CTNND2: variants seen among roughly 807,000 people sequenced by gnomAD.
CTNND2 encodes the protein catenin delta 2, also known as catenin delta-2.
Under a neutral mutation model 144.4 loss-of-function variants are expected in CTNND2, and 22 were observed. That is an observed-to-expected ratio of 0.15 (90% CI 0.11 to 0.22). The LOEUF (loss-of-function observed/expected upper bound fraction) is 0.22, where lower values mean the gene tolerates loss of function less well. Among genes scored for constraint, CTNND2 ranks in the 10% least tolerant of loss-of-function variants. CTNND2 has a pLI of 1.00. For synonymous variants in CTNND2, 751 were observed against 695.6 expected, an observed-to-expected ratio of 1.08 and a Z score of -1.25; for missense variants, 1,353 against 1,618.8, an observed-to-expected ratio of 0.84 and a Z score of 2.82.
In CTNND2 at chr5:11,117,561, A is replaced by C. The variant is rs763854860; in HGVS notation, c.2166T>G (p.Val722=). ...TGCGGGCCTCCTCTCCGGCCGAACTAACATTCCTGCAAAGCAAAAGGACAC... is the reference window on the plus strand; with the variant it reads ...TGCGGGCCTCCTCTCCGGCCGAACTCACATTCCTGCAAAGCAAAAGGACAC... ...LRNATGCLRN[V]SSAGEEARRR... is the part of the protein sequence containing the mutation. The change falls in exon 13 of 22, where the codon GTT becomes GTG. Residue 722 remains valine, a synonymous_variant. Transcript: ENST00000304623. 1.2e-6 allele frequency: 2 copies of C among 1,613,808 alleles called. No homozygotes were observed. The highest frequency in any genetic ancestry group is 1.7e-6 in the Non-Finnish European group (2 of 1,179,702).
intron 3 of CTNND2, among the ~76,000 whole-genome samples, chr5:11,555,398 G>C (rs1423002136): frequency 6.6e-6 from 1 of 152,088 alleles, no homozygotes; most frequent in Non-Finnish European, 1.5e-5. Context: ...AGTGGCCTTG[G>C]ACTCTTGGCT....
intron 1 of CTNND2, among the ~76,000 whole-genome samples, chr5:11,790,478 G>T (rs566646078): frequency 7.9e-5 from 12 of 152,240 alleles, no homozygotes; most frequent in Non-Finnish European, 1.8e-4. Context: ...CTCTTCCTTT[G>T]TAAAATGAAC....
chr5:11,385,371 G>A (rs963229788), intron 6 of CTNND2, 142 bp from the exon 7 acceptor site: 56 of 415,420 alleles, frequency 1.3e-4, no homozygotes, highest in Non-Finnish European at 1.8e-4. Flanking sequence ...CTGCGCTCGG[G>A]GCAGTACGCG....
At chr5:11,687,306 C>G (rs936874889) in intron 2 of CTNND2, among the ~76,000 whole-genome samples, 1 of 152,240 alleles carries the variant, frequency 6.6e-6, no homozygotes, top group Non-Finnish European at 1.5e-5. Context: ...AACAAGGGGC[C>G]GTGATCATTG....
At chr5:11,470,980 A>ATATATATATATATATATATT (rs1219093645) in intron 3 of CTNND2, among the ~76,000 whole-genome samples, 37 of 91,520 alleles carry the variant, frequency 4.0e-4, no homozygotes, top group Non-Finnish European at 5.5e-4. Context: ...ATATATATAT[A>ATATATATATATATATATATT]TTTTTTTTTT....
intron 2 of CTNND2, among the ~76,000 whole-genome samples, chr5:11,591,986 C>A (rs530070983): frequency 6.6e-6 from 1 of 151,976 alleles, no homozygotes; most frequent in Non-Finnish European, 1.5e-5. Context: ...TACCCACCCC[C>A]CAACCCCTGA....
rs4235613 is a variant in CTNND2, at chr5:11,780,119, A to C, written c.38-47847T>G. On this transcript the variant is annotated intron_variant, in intron 1 of 21. Coordinates refer to ENST00000304623, the MANE Select transcript of CTNND2 (RefSeq NM_001332.4). ...GAGCTGAGACCTGAGTATCTACTGC[A>C]GACAGTAGTACATTGAAGGCAGGGC... Among the ~76,000 whole-genome samples, 696 of 152,208 alleles carry C rather than the reference A, an allele frequency of 4.6e-3. 10 individuals carry two copies. The highest frequency in any genetic ancestry group is 0.014 in the African/African-American group (595 of 41,506).
At chr5:11,411,758 T>G in intron 4 of CTNND2, 106 bp from the exon 5 acceptor site, 1 of 793,246 alleles carries the variant, frequency 1.3e-6, no homozygotes, top group Non-Finnish European at 2.0e-6. Flanking sequence ...ATATATTACC[T>G]CTATGAAGTT....
At chr5:11,862,357 G>C (rs764748797) in intron 1 of CTNND2, among the ~76,000 whole-genome samples, 4 of 152,140 alleles carry the variant, frequency 2.6e-5, no homozygotes, top group African/African-American at 7.2e-5. Context: ...CAGGACAGCT[G>C]GTCAAATTTT....
chr5:11,698,415 A>G (rs1785241263), intron 2 of CTNND2, among the ~76,000 whole-genome samples: 1 of 151,858 alleles, frequency 6.6e-6, no homozygotes, highest in Admixed American at 6.6e-5. Flanking sequence ...CAGCCTCCCG[A>G]ATAGCTGGGA....
chr5:11,172,312 A>G (rs1007822934), intron 11 of CTNND2, among the ~76,000 whole-genome samples: 9 of 152,174 alleles, frequency 5.9e-5, no homozygotes, highest in African/African-American at 1.9e-4. Flanking sequence ...ACAGGAAAAA[A>G]AACTCTAAGT....
intron 18 of CTNND2, among the ~76,000 whole-genome samples, chr5:11,010,668 T>C (rs911010969): frequency 1.3e-5 from 2 of 152,246 alleles, no homozygotes; most frequent in Non-Finnish European, 2.9e-5. Flanking sequence ...TGTGAGGAAA[T>C]CTACAGGCAT....
intron 14 of CTNND2, among the ~76,000 whole-genome samples, chr5:11,106,154 G>A (rs1454068303): frequency 2.6e-5 from 4 of 152,196 alleles, no homozygotes; most frequent in Non-Finnish European, 5.9e-5. Context: ...ATTCTGGTTT[G>A]CGTATTGAGA....
intron 13 of CTNND2, among the ~76,000 whole-genome samples, chr5:11,113,072 C>T (rs184943641): frequency 1.0e-3 from 154 of 152,188 alleles, no homozygotes; most frequent in African/African-American, 3.4e-3. Flanking sequence ...ACCCGGAAAG[C>T]GGAGCTTGCA....
At chr5:11,668,250 C>T (rs1783682105) in intron 2 of CTNND2, among the ~76,000 whole-genome samples, 1 of 152,170 alleles carries the variant, frequency 6.6e-6, no homozygotes, top group Non-Finnish European at 1.5e-5. Flanking sequence ...TATGTGGGCT[C>T]TTTTTTGGTT....
At chr5:11,677,749 C>T (rs898435839) in intron 2 of CTNND2, among the ~76,000 whole-genome samples, 3 of 152,072 alleles carry the variant, frequency 2.0e-5, no homozygotes, top group African/African-American at 7.2e-5. Context: ...CAAGTAAGTT[C>T]TATTTTGATC....
intron 1 of CTNND2, among the ~76,000 whole-genome samples, chr5:11,832,012 A>C (rs533426570): frequency 9.5e-4 from 145 of 152,216 alleles, no homozygotes; most frequent in African/African-American, 3.2e-3. Context: ...GGCCGGGCAC[A>C]GTGGCTTATG....
rs1302275392 is a variant in CTNND2 at position 11,018,063 on chromosome 5, T to TGAAG, written c.3000-9_3000-6dup. 1.2e-6 allele frequency: 2 copies of TGAAG among 1,609,928 alleles called. No individual in the cohort carries two copies. Among genetic ancestry groups the TGAAG allele is most frequent in the Non-Finnish European group, 8.5e-7 (1 of 1,176,372 alleles). ...TTGACCACTTTTGGAGAGTGTCTGA[T>TGAAG]GAAGAAAAGACAGGAAAGGCAAGAT... is the stretch of plus-strand genomic sequence containing the variant. On this transcript the variant is annotated splice_polypyrimidine_tract_variant and splice_region_variant and intron_variant, in intron 17 of 21. Coordinates refer to ENST00000304623, the MANE Select transcript of CTNND2 (RefSeq NM_001332.4).
At chr5:11,238,682 T>C (rs927095561) in intron 9 of CTNND2, among the ~76,000 whole-genome samples, 2 of 152,176 alleles carry the variant, frequency 1.3e-5, no homozygotes, top group Non-Finnish European at 2.9e-5. Context: ...GTCAGACAGA[T>C]TATATATACA....
Sources: gnomAD v4.1 joint callset for allele counts (sites outside exome capture counted in the v4.1 genomes callset) on GRCh38, gnomAD v4.1.1 for gene constraint, MANE v1.5 for transcripts, NCBI Gene and HGNC (gene_info 2026-07-23, HGNC 2026-07-21) for gene names.